ANTXR1: variants seen among roughly 807,000 people sequenced by gnomAD.
ANTXR1 encodes the protein anthrax toxin receptor 1.
A neutral mutation model predicts 78.1 loss-of-function variants in ANTXR1; 19 were observed. That is an observed-to-expected ratio of 0.24 (90% CI 0.17 to 0.36). ANTXR1 has a LOEUF of 0.36. ANTXR1 is among the 10% of genes least tolerant of loss of function. ANTXR1 has a pLI of 1.00. For synonymous variants in ANTXR1, 273 were observed against 260.5 expected (o/e 1.05, Z -0.46); for missense variants, 518 against 718.6 (o/e 0.72, Z 3.19).
chr2:69,195,497 T>C (rs7591558), intron 17 of ANTXR1, among the ~76,000 whole-genome samples: 104,276 of 152,168 alleles, frequency 0.69, 37,586 homozygotes, highest in East Asian at 0.92. Context: ...GTGACTAGGA[T>C]GGCAGGCAAG....
chr2:69,085,613 G>A (rs1259731969), intron 8 of ANTXR1, among the ~76,000 whole-genome samples: 2 of 152,006 alleles, frequency 1.3e-5, no homozygotes, highest in African/African-American at 2.4e-5. Context: ...TGCCTACTAT[G>A]TGCCAGGCTA....
At chr2:69,064,884 G>A (rs550021892) in intron 3 of ANTXR1, among the ~76,000 whole-genome samples, 83 of 152,248 alleles carry the variant, frequency 5.5e-4, no homozygotes, top group Non-Finnish European at 6.8e-4. Flanking sequence ...CTAAAGTCAC[G>A]TGCCTAGGGT....
chr2:69,115,401 T>C (rs4854547), intron 10 of ANTXR1, among the ~76,000 whole-genome samples: 57,647 of 152,154 alleles, frequency 0.38, 11,068 homozygotes, highest in East Asian at 0.52. Context: ...CAGTGCCCCA[T>C]CTTAGTAATG....
chr2:69,077,145 C>T (rs962867375), intron 7 of ANTXR1: 12 of 537,558 alleles, frequency 2.2e-5, no homozygotes, highest in African/African-American at 1.3e-4. Context: ...TCAAGCTGGG[C>T]GCTCTTACCT....
intron 10 of ANTXR1, among the ~76,000 whole-genome samples, chr2:69,110,622 G>A (rs1457597153): frequency 6.6e-6 from 1 of 152,132 alleles, no homozygotes; most frequent in African/African-American, 2.4e-5. Context: ...ACTTTGGGAG[G>A]CGGAGGCGGG....
rs191406024 is a variant in ANTXR1 at position 69,185,874 on chromosome 2, G to A, written c.1353+3214G>A. 1.4e-4 allele frequency among the ~76,000 whole-genome samples: 21 copies of A among 152,302 alleles called. No individual in the cohort carries two copies. In the East Asian group the frequency reaches 2.1e-3, roughly 15 times the overall value. On this transcript the variant is annotated intron_variant, in intron 16 of 17. Transcript: ENST00000303714. ...AAGAGCTCCTCGGCAGGACTCCCTC[G>A]TTAGGACGTGCAGAGCATGAATCCT... is the stretch of plus-strand genomic sequence containing the variant.
intron 14 of ANTXR1, among the ~76,000 whole-genome samples, chr2:69,171,856 G>A (rs184027570): frequency 2.0e-5 from 3 of 152,344 alleles, no homozygotes; most frequent in South Asian, 2.1e-4. Context: ...AGGAAGAGAA[G>A]TAGTTGAGTT....
rs189054486 is a variant in ANTXR1 at position 69,234,744 on chromosome 2, C to T, written c.1435-10481C>T. ...CACCATTGCACTCCAGCCTGGGCAACAAGAGCAAAACTCCGTCTCAAAAAT... is the reference window on the plus strand; with the variant it reads ...CACCATTGCACTCCAGCCTGGGCAATAAGAGCAAAACTCCGTCTCAAAAAT... On this transcript the variant is annotated intron_variant, in intron 17 of 17. Coordinates refer to ENST00000303714, the MANE Select transcript of ANTXR1 (RefSeq NM_032208.3). Among the ~76,000 whole-genome samples, 122 of 152,162 alleles carry T rather than the reference C, an allele frequency of 8.0e-4. 3 individuals are homozygous for T. The highest frequency in any genetic ancestry group is 3.7e-4 in the Non-Finnish European group (25 of 67,982).
At chr2:69,102,006 T>A (rs1034477895) in intron 9 of ANTXR1, among the ~76,000 whole-genome samples, 1 of 152,220 alleles carries the variant, frequency 6.6e-6, no homozygotes, top group African/African-American at 2.4e-5. Context: ...TAATCAAACA[T>A]ACATTATGCC....
At chr2:69,169,751 G>T (rs1224590762) in intron 13 of ANTXR1, among the ~76,000 whole-genome samples, 1 of 152,238 alleles carries the variant, frequency 6.6e-6, no homozygotes, top group African/African-American at 2.4e-5. Context: ...CATCCACCCT[G>T]CAAAGACACC....
chr2:69,185,489 G>A (rs1674394555), intron 16 of ANTXR1, among the ~76,000 whole-genome samples: 1 of 151,396 alleles, frequency 6.6e-6, no homozygotes, highest in Admixed American at 6.6e-5. Flanking sequence ...GCAGTGAGCT[G>A]AGACTGTGCC....
chr2:69,128,085 A>G (rs186659497), intron 12 of ANTXR1, among the ~76,000 whole-genome samples: 2 of 152,246 alleles, frequency 1.3e-5, no homozygotes, highest in East Asian at 3.9e-4. Flanking sequence ...TTAGCCTGGC[A>G]TGGTGGCACA....
At chr2:69,241,641 A>AT (rs1478090574) in intron 17 of ANTXR1, among the ~76,000 whole-genome samples, 4 of 152,062 alleles carry the variant, frequency 2.6e-5, no homozygotes, top group Admixed American at 1.3e-4. Flanking sequence ...ATTTTGCTAC[A>AT]TTTTTTCCTA....
intron 3 of ANTXR1, among the ~76,000 whole-genome samples, chr2:69,061,703 G>A (rs1436822216): frequency 6.6e-6 from 1 of 152,164 alleles, no homozygotes; most frequent in Non-Finnish European, 1.5e-5. Context: ...AGAGAGATGT[G>A]AATAAATAGG....
rs762430993 is a variant in ANTXR1 at position 69,013,494 on chromosome 2, C to T, written c.-6C>T. The T allele has an allele frequency of 1.3e-6, 2 of 1,587,894 alleles. No homozygotes were observed. Among genetic ancestry groups the T allele is most frequent in the Non-Finnish European group, 1.7e-6 (2 of 1,169,432 alleles). On this transcript the variant is annotated 5_prime_UTR_variant, in exon 1 of 18. Coordinates refer to ENST00000303714, the MANE Select transcript of ANTXR1 (RefSeq NM_032208.3). This position sits in a 1 kb window ranked among gnomAD's most constrained non-coding sequence, Gnocchi z 5.0. ...AGCGGACCCTGCTCTCCCCGGGCTG[C>T]GGGCCATGGCCACGGCGGAGCGGAG... is the stretch of plus-strand genomic sequence containing the variant.
chr2:69,020,029 T>G (rs1671137941), intron 1 of ANTXR1, among the ~76,000 whole-genome samples: 1 of 152,250 alleles, frequency 6.6e-6, no homozygotes, highest in Non-Finnish European at 1.5e-5. Context: ...TGAATAGTGC[T>G]GCAGTGAACA....
At chr2:69,116,241 C>T (rs138328001) in intron 10 of ANTXR1, among the ~76,000 whole-genome samples, 1,983 of 152,280 alleles carry the variant, frequency 0.013, 20 homozygotes, top group Non-Finnish European at 0.019. Flanking sequence ...TAATAAGACC[C>T]CCCTAACACA....
intron 17 of ANTXR1, among the ~76,000 whole-genome samples, chr2:69,196,904 C>T (rs576056318): frequency 5.3e-5 from 8 of 152,292 alleles, no homozygotes; most frequent in South Asian, 2.1e-4. Context: ...CAGATGCAGA[C>T]ACAAGCCCAC....
Position 69,181,792 on chromosome 2 carries a change from G to A in ANTXR1, c.1096G>A (p.Asp366Asn), listed in dbSNP as rs1318164186. The change falls in exon 15 of 18, where the codon GAT becomes AAT. Residue 366 changes from aspartate (D) to asparagine (N), a missense_variant. Asp to Asn is a conservative substitution (Grantham distance 23, BLOSUM62 1). Coordinates refer to ENST00000303714, the MANE Select transcript of ANTXR1 (RefSeq NM_032208.3). ...TGCCACAATTTCTCTGCAGGAAGAA[G>A]ATGATGATGGTCTGCCTAAGAAAAA... Reference protein sequence around the residue: ...PPPAEESEEEDDDGLPKKKWP... With the variant: ...PPPAEESEEENDDGLPKKKWP... 1 of 1,614,004 alleles carries A rather than the reference G, an allele frequency of 6.2e-7. No homozygotes were observed. Among genetic ancestry groups the A allele is most frequent in the Non-Finnish European group, 8.5e-7 (1 of 1,179,974 alleles).
Sources: allele counts gnomAD v4.1 joint callset (sites outside exome capture counted in the v4.1 genomes callset), GRCh38; gene constraint gnomAD v4.1.1; non-coding constraint Gnocchi (gnomAD v3.1); transcripts MANE v1.5; gene names NCBI Gene and HGNC (gene_info 2026-07-23, HGNC 2026-07-21).